Variants in DMD observed in about 807,000 individuals in gnomAD.
DMD encodes the protein dystrophin.
In DMD, 63 loss-of-function variants were observed where a neutral mutation model predicts 330.1. The ratio of observed to expected loss-of-function variants is 0.19; its 90% CI spans 0.16 to 0.24. The LOEUF is 0.24. Ranked by LOEUF, DMD falls within the 10% of genes least tolerant of loss-of-function variation. DMD has a pLI of 1.00. For missense variants in DMD, 3,344 were observed against 2,684.1 expected (o/e 1.25, Z -5.43); for synonymous variants, 1,223 against 959.8 (o/e 1.27, Z -5.07).
intron 44 of DMD, among the ~76,000 whole-genome samples, chrX:32,066,074 C>T (rs958981610): frequency 9.0e-6 from 1 of 111,476 alleles, no homozygotes; most frequent in African/African-American, 3.2e-5. Context: ...TCCCTCTTCA[C>T]AGGTGTACTT....
intron 2 of DMD, among the ~76,000 whole-genome samples, chrX:32,921,821 A>G (rs144617783): frequency 0.013 from 1,432 of 111,306 alleles, 23 homozygotes; most frequent in African/African-American, 0.045. Flanking sequence ...TCATCCAACC[A>G]TTTATTTATT....
chrX:32,605,279 T>TA (rs757380640), intron 12 of DMD, among the ~76,000 whole-genome samples: 2 of 109,387 alleles, frequency 1.8e-5, no homozygotes, highest in East Asian at 2.9e-4. Context: ...TTTAACAAAG[T>TA]AAAAAAATGT....
At chrX:32,479,509 C>G (rs1193470659) in intron 21 of DMD, among the ~76,000 whole-genome samples, 1 of 109,444 alleles carries the variant, frequency 9.1e-6, no homozygotes, top group Non-Finnish European at 1.9e-5. Flanking sequence ...TTTTGGATTT[C>G]TCATATAAGT....
At chrX:33,240,430 C>T (rs1227540638) in intron 1 of DMD, among the ~76,000 whole-genome samples, 2 of 111,754 alleles carry the variant, frequency 1.8e-5, no homozygotes, top group East Asian at 2.8e-4. Context: ...CTATTGTGTA[C>T]GTATACCACA....
At chrX:32,726,791 T>C (rs1397508671) in intron 7 of DMD, among the ~76,000 whole-genome samples, 2 of 110,795 alleles carry the variant, frequency 1.8e-5, no homozygotes, top group Non-Finnish European at 3.8e-5. Context: ...CTAATTACCC[T>C]GAATTAATTA....
At chrX:31,501,431 TTCTA>T (rs1289264419) in intron 56 of DMD, among the ~76,000 whole-genome samples, 2 of 112,641 alleles carry the variant, frequency 1.8e-5, no homozygotes, top group Non-Finnish European at 3.8e-5. Context: ...CATGCTTAGC[TTCTA>T]TCTATGTCTA....
chrX:32,526,120 T>C (rs1487442236), intron 17 of DMD, among the ~76,000 whole-genome samples: 2 of 111,776 alleles, frequency 1.8e-5, no homozygotes, highest in Non-Finnish European at 3.8e-5. Flanking sequence ...ACTCTGTACT[T>C]AACGTACTTC....
chrX:33,285,674 G>A (rs1028738054), intron 1 of DMD, among the ~76,000 whole-genome samples: 3 of 111,705 alleles, frequency 2.7e-5, no homozygotes, highest in Non-Finnish European at 3.8e-5. Context: ...TTTGCCTCTA[G>A]GACAAGGCTG....
rs1263150224 is a variant in DMD at position 32,252,779 on chromosome X, T to TAA, written c.6290+34749_6290+34750insTT. Among the ~76,000 whole-genome samples, 22 of 66,898 alleles carry TAA rather than the reference T, an allele frequency of 3.3e-4. 4 individuals are homozygous for TAA. The highest frequency in any genetic ancestry group is 8.8e-3 in the Middle Eastern group (1 of 114). The allele number at this position is 66,898 out of a possible 115,157, so 58.1% of individuals were successfully genotyped here. ...AAATATATAAATATATATAAATATA[T>TAA]ATAAATATATATAAATATATATATA... On this transcript the variant is annotated intron_variant, in intron 43 of 78. Coordinates refer to ENST00000357033, the MANE Select transcript of DMD (RefSeq NM_004006.3).
intron 7 of DMD, among the ~76,000 whole-genome samples, chrX:32,700,912 T>G (rs1307518702): frequency 8.9e-6 from 1 of 112,044 alleles, no homozygotes; most frequent in Non-Finnish European, 1.9e-5. Flanking sequence ...GTTGAACAAG[T>G]GACTTCATCA....
At chrX:32,149,305 C>A (rs190980352) in intron 44 of DMD, among the ~76,000 whole-genome samples, 1 of 111,488 alleles carries the variant, frequency 9.0e-6, no homozygotes, top group Non-Finnish European at 1.9e-5. Context: ...TTGTTCTTTG[C>A]ATAGGATATT....
intron 51 of DMD, among the ~76,000 whole-genome samples, chrX:31,732,419 T>C (rs959774430): frequency 2.7e-5 from 3 of 111,576 alleles, no homozygotes; most frequent in Non-Finnish European, 5.7e-5. Context: ...TTCAGTATTT[T>C]TTCATTAAGA....
chrX:31,475,767 G>C (rs1351346684), intron 59 of DMD, among the ~76,000 whole-genome samples: 2 of 111,759 alleles, frequency 1.8e-5, no homozygotes, highest in South Asian at 3.7e-4. Context: ...ACAAGTATTA[G>C]AGTCAAATTT....
chrX:31,692,056 C>A (rs1167868116), intron 52 of DMD, among the ~76,000 whole-genome samples: 3 of 111,558 alleles, frequency 2.7e-5, no homozygotes, highest in Non-Finnish European at 5.7e-5. Flanking sequence ...TTTAAGAAAA[C>A]CCATCGTGTA....
At chrX:31,615,204 G>C (rs2078131900) in intron 55 of DMD, among the ~76,000 whole-genome samples, 1 of 111,793 alleles carries the variant, frequency 8.9e-6, no homozygotes, top group African/African-American at 3.2e-5. Flanking sequence ...AACTTTTCCT[G>C]ACCTTTTCAA....
At chrX:32,154,011 T>C (rs1026916939) in intron 44 of DMD, among the ~76,000 whole-genome samples, 21 of 112,508 alleles carry the variant, frequency 1.9e-4, no homozygotes, top group Non-Finnish European at 3.4e-4. Flanking sequence ...ATTTAAAACA[T>C]AGAAGCTGAA....
chrX:31,625,682 T>G (rs2148408278), intron 55 of DMD, among the ~76,000 whole-genome samples: 1 of 112,004 alleles, frequency 8.9e-6, no homozygotes, highest in South Asian at 3.7e-4. Flanking sequence ...ACATGGTGAA[T>G]CTTCCCTTTA....
intron 4 of DMD, among the ~76,000 whole-genome samples, chrX:32,829,917 G>T (rs1368025830): frequency 9.0e-6 from 1 of 111,632 alleles, no homozygotes; most frequent in Non-Finnish European, 1.9e-5. Flanking sequence ...AGCTTTAAGA[G>T]GCTCTCTCTC....
At chrX:31,993,277 G>A (rs1190252477) in intron 44 of DMD, among the ~76,000 whole-genome samples, 1 of 111,686 alleles carries the variant, frequency 9.0e-6, no homozygotes, top group Non-Finnish European at 1.9e-5. Context: ...AATCTTATCA[G>A]TATGCTAATC....
Sources: gnomAD v4.1 joint callset for allele counts (sites outside exome capture counted in the v4.1 genomes callset) on GRCh38, gnomAD v4.1.1 for gene constraint, MANE v1.5 for transcripts, NCBI Gene and HGNC (gene_info 2026-07-23, HGNC 2026-07-21) for gene names.